The following ZNF827 variants were observed in gnomAD, a reference collection of about 807,000 sequenced individuals.
ZNF827 encodes zinc finger protein 827.
A neutral mutation model predicts 102.4 loss-of-function variants in ZNF827; 13 were observed. The observed-to-expected ratio is 0.13, with a 90% CI of 0.08 to 0.20. ZNF827 has a LOEUF of 0.20. ZNF827 is among the 10% of genes least tolerant of loss of function. The probability of loss-of-function intolerance (pLI) is 1.00; values close to 1 mark genes in which losing one functional copy is unlikely to be tolerated. For synonymous variants in ZNF827, 523 were observed against 536.2 expected (o/e 0.98, Z 0.34); for missense variants, 1,103 against 1,344.4 (o/e 0.82, Z 2.81).
intron 11 of ZNF827, among the ~76,000 whole-genome samples, chr4:145,768,109 A>G (rs1397469329): frequency 6.6e-6 from 1 of 152,232 alleles, no homozygotes; most frequent in Non-Finnish European, 1.5e-5. Context: ...TGAGGTTCTT[A>G]TACAACATAT....
intron 8 of ZNF827, among the ~76,000 whole-genome samples, chr4:145,816,933 C>T (rs1224387440): frequency 6.6e-6 from 1 of 152,204 alleles, no homozygotes; most frequent in Non-Finnish European, 1.5e-5. Context: ...AAACTGTTGT[C>T]ATCATTATCA....
At chr4:145,851,854 T>C (rs1028413688) in intron 5 of ZNF827, among the ~76,000 whole-genome samples, 1 of 152,190 alleles carries the variant, frequency 6.6e-6, no homozygotes, top group African/African-American at 2.4e-5. Context: ...ACGCTTAGCT[T>C]CTCTGCCTTT....
chr4:145,825,498 C>T (rs769436540), intron 7 of ZNF827, among the ~76,000 whole-genome samples: 52 of 152,262 alleles, frequency 3.4e-4, no homozygotes, highest in Non-Finnish European at 5.1e-4. Context: ...CCAGATGGGA[C>T]GTGGTGATGC....
intron 8 of ZNF827, among the ~76,000 whole-genome samples, chr4:145,781,228 G>GAAAAAAAAAAAAAAAAAAAAAAAAAAAAA (rs60872964): frequency 1.0e-5 from 1 of 99,684 alleles, no homozygotes; most frequent in Non-Finnish European, 2.0e-5. Flanking sequence ...GAAAAAAAAA[G>GAAAAAAAAAAAAAAAAAAAAAAAAAAAAA]AAAAAAAAAA....
At chr4:145,874,966 A>G (rs1749028412) in intron 4 of ZNF827, among the ~76,000 whole-genome samples, 1 of 152,212 alleles carries the variant, frequency 6.6e-6, no homozygotes, top group Non-Finnish European at 1.5e-5. Context: ...TTTTTTGAGG[A>G]TTTATGAAGA....
intron 8 of ZNF827, among the ~76,000 whole-genome samples, chr4:145,821,898 T>C (rs1743180312): frequency 6.6e-6 from 1 of 152,166 alleles, no homozygotes; most frequent in South Asian, 2.1e-4. Flanking sequence ...AAGCCAAACA[T>C]AAAGCCAGCA....
chr4:145,813,224 T>C (rs1406550752), intron 8 of ZNF827, among the ~76,000 whole-genome samples: 1 of 152,142 alleles, frequency 6.6e-6, no homozygotes, highest in African/African-American at 2.4e-5. Context: ...ACAGCAGCTG[T>C]CATTCACCTC....
intron 3 of ZNF827, among the ~76,000 whole-genome samples, chr4:145,887,221 TA>T (rs1249262779): frequency 6.6e-6 from 1 of 152,086 alleles, no homozygotes. Flanking sequence ...CCTCCTCTTT[TA>T]GGGGTGACCT....
intron 4 of ZNF827, among the ~76,000 whole-genome samples, chr4:145,881,865 C>CA (rs1268883985): frequency 6.6e-6 from 1 of 152,156 alleles, no homozygotes; most frequent in Non-Finnish European, 1.5e-5. Context: ...GTAGCTGTAC[C>CA]AAAAAATACT....
intron 1 of ZNF827, among the ~76,000 whole-genome samples, chr4:145,923,742 T>A (rs10002866): frequency 0.53 from 81,224 of 152,166 alleles, 23,766 homozygotes; most frequent in African/African-American, 0.77. Context: ...TTTATTAAAA[T>A]ATGCTATTTA....
intron 11 of ZNF827, among the ~76,000 whole-genome samples, chr4:145,769,961 C>T (rs1417004506): frequency 2.6e-5 from 4 of 152,152 alleles, no homozygotes; most frequent in Non-Finnish European, 4.4e-5. Flanking sequence ...ACAAAGTAAG[C>T]ACTTCTACTT....
chr4:145,803,624 T>C (rs1467181856), intron 8 of ZNF827, among the ~76,000 whole-genome samples: 1 of 152,248 alleles, frequency 6.6e-6, no homozygotes, highest in Non-Finnish European at 1.5e-5. Flanking sequence ...AGACATCTTT[T>C]CTTCCTCCAT....
In ZNF827 at chr4:145,861,626, C is replaced by T. The variant is rs966963718; in HGVS notation, c.1981+8619G>A. Among the ~76,000 whole-genome samples the T allele has an allele frequency of 7.2e-5, 11 of 152,104 alleles. No individual in the cohort carries two copies. The South Asian group carries it at 1.0e-3, about 14-fold the overall frequency. ...CAGGAATCCAAGAGGAAGGCCTAGG[C>T]GTCATTCTTAATTCTTTTGCTCCAT... is the stretch of plus-strand genomic sequence containing the variant. On this transcript the variant is annotated intron_variant, in intron 5 of 14. Transcript: ENST00000508784.
chr4:145,775,425 A>T (rs1049375132), intron 10 of ZNF827, among the ~76,000 whole-genome samples: 2 of 151,044 alleles, frequency 1.3e-5, no homozygotes, highest in African/African-American at 4.9e-5. Context: ...ATATTTCCTC[A>T]GCTTTTTTTT....
At chr4:145,778,142 T>G (rs917954050) in intron 9 of ZNF827, among the ~76,000 whole-genome samples, 2 of 151,020 alleles carry the variant, frequency 1.3e-5, no homozygotes, top group African/African-American at 2.4e-5. Flanking sequence ...AAACTTTTTG[T>G]TTTTTTTTGA....
At chr4:145,839,343 C>G (rs1449565303) in intron 7 of ZNF827, 1 of 152,226 alleles carries the variant, frequency 6.6e-6, no homozygotes, top group Admixed American at 6.5e-5. Context: ...AACCGCAGAC[C>G]AAGGAAGTGA....
intron 8 of ZNF827, among the ~76,000 whole-genome samples, chr4:145,813,992 G>A (rs950335262): frequency 6.6e-6 from 1 of 152,198 alleles, no homozygotes; most frequent in African/African-American, 2.4e-5. Context: ...AGATGGTGCA[G>A]CAGATAGTGT....
chr4:145,864,784 T>C (rs550848684), intron 5 of ZNF827, among the ~76,000 whole-genome samples: 1 of 152,222 alleles, frequency 6.6e-6, no homozygotes, highest in East Asian at 1.9e-4. Context: ...TGGAAGCAGG[T>C]AGAATCATAA....
At chr4:145,874,198 T>C (rs73854939) in intron 4 of ZNF827, among the ~76,000 whole-genome samples, 2,656 of 152,256 alleles carry the variant, frequency 0.017, 79 homozygotes, top group African/African-American at 0.06. Flanking sequence ...CTGGATTTAA[T>C]AGAACTTCAA....
Sources: allele counts gnomAD v4.1 joint callset (sites outside exome capture counted in the v4.1 genomes callset), GRCh38; gene constraint gnomAD v4.1.1; transcripts MANE v1.5; gene names NCBI Gene and HGNC (gene_info 2026-07-23, HGNC 2026-07-21).